EPC1: variants seen among roughly 807,000 people sequenced by gnomAD.
The protein encoded by EPC1 is enhancer of polycomb 1, also known as enhancer of polycomb homolog 1.
In EPC1, 12 loss-of-function variants were observed where a neutral mutation model predicts 98.4. That is an observed-to-expected ratio of 0.12 (90% CI 0.08 to 0.20). The LOEUF is 0.20. Among genes scored for constraint, EPC1 ranks in the 10% least tolerant of loss-of-function variants. The pLI, the probability that EPC1 is intolerant of heterozygous loss-of-function variation, is 1.00. For missense variants in EPC1, 729 were observed against 990.5 expected, an observed-to-expected ratio of 0.74 and a Z score of 3.54; for synonymous variants, 357 against 363.9, an observed-to-expected ratio of 0.98 and a Z score of 0.21.
intron 1 of EPC1, among the ~76,000 whole-genome samples, chr10:32,364,004 T>C (rs915062921): frequency 0.053 from 5,424 of 101,908 alleles, 1,767 homozygotes; most frequent in African/African-American, 0.25. Flanking sequence ...ATGTTGGCAT[T>C]TTTTTTTTTT....
chr10:32,273,181 G>A lies in EPC1; in HGVS notation c.1845C>T (p.Ser615=). The A allele has an allele frequency of 1.9e-6, 3 of 1,614,152 alleles. No homozygotes were observed. Among genetic ancestry groups the A allele is most frequent in the Non-Finnish European group, 8.5e-7 (1 of 1,180,002 alleles). ...QIQQQQANSN[S]STNTSQGFVS... is the part of the protein sequence containing the mutation. ...CCCTCACCTGTGATGTGTTGGTGGA[G>A]GAATTACTATTTGCTTGCTGTTGCT... The change falls in exon 11 of 14, where the codon TCC becomes TCT. Residue 615 remains serine, a synonymous_variant. Transcript: ENST00000319778.
intron 1 of EPC1, among the ~76,000 whole-genome samples, chr10:32,312,231 C>T (rs942790959): frequency 3.3e-5 from 5 of 152,118 alleles, no homozygotes; most frequent in African/African-American, 9.7e-5. Flanking sequence ...CCTTTTTCTA[C>T]GAGCAATAGC....
At chr10:32,347,231 G>A (rs1838908394), upstream of EPC1, 22 of 1,219,374 alleles carry the variant, frequency 1.8e-5, no homozygotes, top group Non-Finnish European at 2.2e-5. Context: ...GCGGGGGGAG[G>A]GAGCGCGGGC....
exon 1 of EPC1, chr10:32,378,547 C>G: frequency 6.9e-7 from 1 of 1,445,204 alleles, no homozygotes; most frequent in Non-Finnish European, 9.4e-7. Context: ...ACAATATAGG[C>G]TGGATACTTG....
chr10:32,333,778 G>A (rs1467561214), intron 1 of EPC1, among the ~76,000 whole-genome samples: 1 of 152,212 alleles, frequency 6.6e-6, no homozygotes, highest in Admixed American at 6.5e-5. Context: ...CGAGAAGGGT[G>A]TTGTCTCTCA....
intron 1 of EPC1, among the ~76,000 whole-genome samples, chr10:32,373,750 T>G (rs572961259): frequency 5.3e-5 from 8 of 152,326 alleles, no homozygotes; most frequent in African/African-American, 1.9e-4. Context: ...AGGAAAGACA[T>G]TGCTGATGTT....
intron 1 of EPC1, among the ~76,000 whole-genome samples, chr10:32,321,717 T>A (rs1836933407): frequency 6.6e-6 from 1 of 152,044 alleles, no homozygotes; most frequent in Admixed American, 6.6e-5. Flanking sequence ...ACTGATTAAG[T>A]CACTTGTCCG....
intron 1 of EPC1, among the ~76,000 whole-genome samples, chr10:32,343,694 T>TGGGGGG (rs5784285): frequency 7.0e-5 from 10 of 142,736 alleles, no homozygotes; most frequent in African/African-American, 1.3e-4. Flanking sequence ...CAAATTATTT[T>TGGGGGG]GGGGGGGGGG....
chr10:32,303,529 G>C (rs1835695472), intron 2 of EPC1, among the ~76,000 whole-genome samples: 2 of 152,206 alleles, frequency 1.3e-5, no homozygotes, highest in Admixed American at 1.3e-4. Context: ...CTGTGATACT[G>C]AGTGAAAAAA....
chr10:32,323,152 T>C (rs908237662), intron 1 of EPC1, among the ~76,000 whole-genome samples: 5 of 152,186 alleles, frequency 3.3e-5, no homozygotes, highest in Non-Finnish European at 7.4e-5. Context: ...AAGAGAAGTA[T>C]ATACAATGTA....
At chr10:32,311,169 C>T (rs926912734) in intron 1 of EPC1, among the ~76,000 whole-genome samples, 8 of 151,730 alleles carry the variant, frequency 5.3e-5, no homozygotes, top group African/African-American at 1.2e-4. Context: ...AAAAATTAGC[C>T]GGGTGTGGTG....
chr10:32,349,312 A>T (rs757508596), upstream of EPC1, among the ~76,000 whole-genome samples: 1 of 152,252 alleles, frequency 6.6e-6, no homozygotes, highest in Non-Finnish European at 1.5e-5. Context: ...CTATTTCCAC[A>T]TCCTACATTA....
chr10:32,284,908 T>C lies in EPC1; in HGVS notation c.1534A>G (p.Lys512Glu), dbSNP rs1164629292. 2 of 1,614,090 alleles carry C rather than the reference T, an allele frequency of 1.2e-6. No individual in the cohort carries two copies. The highest frequency in any genetic ancestry group is 1.7e-6 in the Non-Finnish European group (2 of 1,180,042). Residue 512 changes from lysine to glutamate, a missense_variant, in exon 10 of 14, where the codon AAA (lysine) becomes GAA (glutamate). Physicochemically the swap from Lys to Glu is moderately conservative, Grantham distance 56. Coordinates refer to ENST00000319778, the MANE Select transcript of EPC1 (RefSeq NM_001272004.3). ...TTGACTAGTATCTGACTGAGGTCTT[T>C]AGAGAAAGATTTGTCCGAGGTATTT... ...ETNTSDKSFS[K>E]DLSQILVNIK...
chr10:32,284,759 A>G lies in EPC1; in HGVS notation c.1683T>C (p.Pro561=). ...TAGAGGTACTGCATGTCTGGGTCCC[A>G]GGTTGTGCTGTTCCTGTTCGGTTTA... is the stretch of plus-strand genomic sequence containing the variant. ...RSINRTGTAQ[P]GTQTCSTSTQ... Residue 561 remains proline, a synonymous_variant, in exon 10 of 14, where the codon CCT becomes CCC. Coordinates refer to ENST00000319778, the MANE Select transcript of EPC1 (RefSeq NM_001272004.3). The G allele has an allele frequency of 6.2e-7, 1 of 1,614,184 alleles. No homozygotes were observed. The highest frequency in any genetic ancestry group is 8.5e-7 in the Non-Finnish European group (1 of 1,180,024).
intron 1 of EPC1, among the ~76,000 whole-genome samples, chr10:32,317,148 C>T (rs1429583266): frequency 6.6e-6 from 1 of 152,158 alleles, no homozygotes; most frequent in Non-Finnish European, 1.5e-5. Flanking sequence ...TTGACAGTTT[C>T]TTCTCACCAG....
chr10:32,277,619 GT>G (rs2132660043), intron 10 of EPC1, among the ~76,000 whole-genome samples: 2 of 152,182 alleles, frequency 1.3e-5, no homozygotes, highest in South Asian at 4.1e-4. Context: ...GAGTGCAGTG[GT>G]GTGATCTGGG....
chr10:32,299,697 G>C (rs2132777184), intron 2 of EPC1, among the ~76,000 whole-genome samples: 1 of 152,170 alleles, frequency 6.6e-6, no homozygotes, highest in East Asian at 1.9e-4. Context: ...TCCACATCTA[G>C]AGGCACACAA....
chr10:32,325,345 C>T (rs1375390203), intron 1 of EPC1, among the ~76,000 whole-genome samples: 2 of 152,170 alleles, frequency 1.3e-5, no homozygotes, highest in African/African-American at 2.4e-5. Flanking sequence ...TACCTCACCC[C>T]ACAATGGATA....
At chr10:32,326,702 A>T (rs1394574119) in intron 1 of EPC1, among the ~76,000 whole-genome samples, 1 of 152,180 alleles carries the variant, frequency 6.6e-6, no homozygotes, top group African/African-American at 2.4e-5. Flanking sequence ...GTCAGTTATA[A>T]TAACTTGAAA....
Sources: allele counts gnomAD v4.1 joint callset (sites outside exome capture counted in the v4.1 genomes callset), GRCh38; gene constraint gnomAD v4.1.1; transcripts MANE v1.5; gene names NCBI Gene and HGNC (gene_info 2026-07-23, HGNC 2026-07-21).